BRI3: variants seen among roughly 807,000 people sequenced by gnomAD.
BRI3 encodes brain protein I3.
In BRI3, 6 loss-of-function variants were observed where a neutral mutation model predicts 12.8. The ratio of observed to expected loss-of-function variants is 0.47; its 90% CI spans 0.26 to 0.93. The LOEUF (loss-of-function observed/expected upper bound fraction) is 0.93. BRI3 is among the 40% of genes least tolerant of loss of function. The pLI is 0.15. For missense variants in BRI3, 134 were observed against 171.1 expected, an observed-to-expected ratio of 0.78 and a Z score of 1.21; for synonymous variants, 91 against 76.1, an observed-to-expected ratio of 1.20 and a Z score of -1.02.
chr7:98,291,436 A>C lies in BRI3; in HGVS notation c.*193A>C. On this transcript the variant is annotated 3_prime_UTR_variant, in exon 3 of 3. Transcript: ENST00000297290. ...CTGCTCCCGCCCGAGGCTCATGACA[A>C]CTCAATAAAGCACTGCTTTTATTTT... 8 of 1,415,044 alleles carry C rather than the reference A, an allele frequency of 5.7e-6. No individual in the cohort carries two copies. Among genetic ancestry groups the C allele is most frequent in the Non-Finnish European group, 6.4e-6 (7 of 1,086,090 alleles). The allele number at this position is 1,415,044 out of a possible 1,614,324, so 87.7% of individuals were successfully genotyped here. A position where few individuals can be genotyped will look rare whatever the true frequency, so the allele number is the denominator to read the frequency against.
At chr7:98,297,383 C>T (rs1018806595), downstream of BRI3, among the ~76,000 whole-genome samples, 6 of 152,172 alleles carry the variant, frequency 3.9e-5, no homozygotes, top group Admixed American at 6.5e-5. Context: ...CTCGGAGCAC[C>T]GAGCACCACT....
chr7:98,317,126 T>C, the BRI3 span: 16 of 1,516,168 alleles, frequency 1.1e-5, no homozygotes, highest in Admixed American at 1.9e-4. Context: ...GTGCTGGGAT[T>C]ACAGGCGTGA....
At chr7:98,300,491 C>T (rs1209112022) in intron 1 of BRI3, among the ~76,000 whole-genome samples, 3 of 152,214 alleles carry the variant, frequency 2.0e-5, no homozygotes, top group Admixed American at 1.3e-4. Context: ...CAGATGACCG[C>T]GCCATGTCTT....
downstream of BRI3, chr7:98,312,272 G>A (rs559388572): frequency 6.3e-7 from 1 of 1,595,520 alleles, no homozygotes; most frequent in East Asian, 2.2e-5. Flanking sequence ...AGACTGCAAA[G>A]CCAAAAGAAG....
intron 1 of BRI3, among the ~76,000 whole-genome samples, chr7:98,298,879 T>G (rs1270394136): frequency 6.6e-6 from 1 of 151,512 alleles, no homozygotes; most frequent in Non-Finnish European, 1.5e-5. Flanking sequence ...TCTTGCTCTG[T>G]CACCCAGGCT....
chr7:98,309,264 C>G (rs1049504577), exon 2 of BRI3: 6 of 152,188 alleles, frequency 3.9e-5, no homozygotes, highest in African/African-American at 1.4e-4. Context: ...AAGCAATTCT[C>G]TTGCCTCAGC....
At chr7:98,319,516 AGT>A in the BRI3 span, among the ~76,000 whole-genome samples, 3 of 150,786 alleles carry the variant, frequency 2.0e-5, no homozygotes, top group Non-Finnish European at 1.5e-5. Context: ...TTCTGGAAGC[AGT>A]GTGATTTCCT....
intron 1 of BRI3, among the ~76,000 whole-genome samples, chr7:98,301,493 A>T (rs1375745929): frequency 5.4e-5 from 8 of 149,344 alleles, no homozygotes; most frequent in Middle Eastern, 3.5e-3. Flanking sequence ...ATATATATAT[A>T]TTTTAAGTGG....
At chr7:98,282,581 T>A in intron 2 of BRI3, 128 bp downstream of exon 2, 1 of 744,024 alleles carries the variant, frequency 1.3e-6, no homozygotes. Context: ...CAGAGCCCTT[T>A]ATGGGAGGGA....
downstream of BRI3, chr7:98,293,600 C>G: frequency 1.2e-6 from 2 of 1,612,822 alleles, no homozygotes; most frequent in Admixed American, 3.3e-5. Flanking sequence ...TTCTCCGCTG[C>G]AGGGGATAAG....
exon 1 of BRI3, chr7:98,306,571 C>A (rs780413594): frequency 6.2e-7 from 1 of 1,613,184 alleles, no homozygotes; most frequent in South Asian, 1.1e-5. Context: ...TGGACGGCAA[C>A]CTCCCTGAAC....
intron 2 of BRI3, among the ~76,000 whole-genome samples, chr7:98,283,680 G>A (rs545875182): frequency 6.6e-6 from 1 of 152,184 alleles, no homozygotes; most frequent in African/African-American, 2.4e-5. Flanking sequence ...GTCTGCCTGC[G>A]TGTCATTGTC....
At chr7:98,321,962 G>A in the BRI3 span, among the ~76,000 whole-genome samples, 3 of 152,166 alleles carry the variant, frequency 2.0e-5, no homozygotes, top group African/African-American at 7.2e-5. Flanking sequence ...TGGGCATGAT[G>A]GCACGTGCCT....
At chr7:98,305,901 A>G (rs1003774641), upstream of BRI3, among the ~76,000 whole-genome samples, 1 of 152,122 alleles carries the variant, frequency 6.6e-6, no homozygotes, top group Admixed American at 6.5e-5. Context: ...CCATCAGTGT[A>G]TTTCAAGCCA....
downstream of BRI3, chr7:98,293,513 C>T (rs146202849): frequency 2.2e-3 from 3,473 of 1,611,934 alleles, 8 homozygotes; most frequent in Non-Finnish European, 2.8e-3. Context: ...GAGTCCTTGG[C>T]TGTCCTCTCA....
At chr7:98,304,236 G>A, upstream of BRI3, 1 of 1,612,640 alleles carries the variant, frequency 6.2e-7, no homozygotes, top group Non-Finnish European at 8.5e-7. Context: ...GGCCTTAAAG[G>A]TGGATGTCGT....
chr7:98,307,628 G>C, exon 2 of BRI3: 2 of 1,596,850 alleles, frequency 1.3e-6, no homozygotes, highest in South Asian at 2.2e-5. Flanking sequence ...TTTGCAGCTT[G>C]GCTGCTCTGG....
chr7:98,281,942 G>A lies in BRI3; in HGVS notation c.142+5G>A. The A allele has an allele frequency of 7.7e-7, 1 of 1,303,144 alleles. No homozygotes were observed. Among genetic ancestry groups the A allele is most frequent in the South Asian group, 2.3e-5 (1 of 44,340 alleles). 80.7% of individuals were successfully genotyped at this position (1,303,144 alleles called of 1,614,324 possible). On this transcript the variant is annotated splice_donor_5th_base_variant and intron_variant, in intron 1 of 2. Transcript: ENST00000297290. ...CCTACCCCTACCTCGTCACAGGTGG[G>A]CCCGTAACCAACTTTCCCCGCCGGC...
upstream of BRI3, among the ~76,000 whole-genome samples, chr7:98,302,692 G>T (rs1800478058): frequency 6.6e-6 from 1 of 152,204 alleles, no homozygotes; most frequent in Non-Finnish European, 1.5e-5. Context: ...AGAGGCAGAG[G>T]GGGGACCTGT....
Sources: gnomAD v4.1 joint callset for allele counts (sites outside exome capture counted in the v4.1 genomes callset) on GRCh38, gnomAD v4.1.1 for gene constraint, MANE v1.5 for transcripts, NCBI Gene and HGNC (gene_info 2026-07-23, HGNC 2026-07-21) for gene names.